MBP: variants seen among roughly 807,000 people sequenced by gnomAD.
MBP encodes the protein myelin basic protein, also known as Golli-MBP.
A neutral mutation model predicts 35.8 loss-of-function variants in MBP; 16 were observed. That is an observed-to-expected ratio of 0.45 (90% CI 0.30 to 0.68). The LOEUF (loss-of-function observed/expected upper bound fraction) is 0.68, where lower values mean the gene tolerates loss of function less well. MBP is among the 30% of genes least tolerant of loss of function. MBP has a pLI of 0.08. For missense variants in MBP, 380 were observed against 404.7 expected (o/e 0.94, Z 0.52); for synonymous variants, 143 against 159.6 (o/e 0.90, Z 0.78).
At position 76,979,467 on chromosome 18, in the gene MBP, C is replaced by G. The variant is rs1056316186; in HGVS notation, c.*960G>C. The G allele has an allele frequency of 6.3e-6, 1 of 157,588 alleles. No homozygotes were observed. The highest frequency in any genetic ancestry group is 1.4e-5 in the Non-Finnish European group (1 of 71,554). The allele number at this position is 157,588 out of a possible 1,614,324, so 9.8% of individuals were successfully genotyped here. A position where few individuals can be genotyped will look rare whatever the true frequency, so the allele number is the denominator to read the frequency against. On this transcript the variant is annotated 3_prime_UTR_variant, in exon 9 of 9. Coordinates refer to ENST00000355994, the MANE Select transcript of MBP (RefSeq NM_001025101.2). The stretch of plus-strand genomic sequence containing the variant: ...CCACTGTGCACTGCCGCTGCCAGCA[C>G]GCCCGGTCACAGCCAGTGTCTATGG...
At chr18:76,999,886 A>G (rs960852348) in intron 4 of MBP, among the ~76,000 whole-genome samples, 3 of 152,206 alleles carry the variant, frequency 2.0e-5, no homozygotes, top group African/African-American at 7.2e-5. Flanking sequence ...CTTCTGGGCC[A>G]TCCCCAACCT....
At chr18:77,054,052 C>T (rs1215110635) in intron 3 of MBP, among the ~76,000 whole-genome samples, 2 of 152,250 alleles carry the variant, frequency 1.3e-5, no homozygotes, top group East Asian at 3.9e-4. Flanking sequence ...GATGACTGCC[C>T]CTCGGCCTGG....
chr18:76,996,532 T>G (rs1970280050), intron 4 of MBP, among the ~76,000 whole-genome samples: 1 of 152,238 alleles, frequency 6.6e-6, no homozygotes. Flanking sequence ...CATGAAATAC[T>G]GTTCGGCAAT....
At chr18:77,094,548 T>C (rs1266372956) in intron 2 of MBP, among the ~76,000 whole-genome samples, 1 of 152,222 alleles carries the variant, frequency 6.6e-6, no homozygotes, top group Non-Finnish European at 1.5e-5. Flanking sequence ...CAGGAGAGCT[T>C]ACTTGTACAT....
At chr18:77,067,297 T>C (rs899746067) in intron 2 of MBP, among the ~76,000 whole-genome samples, 6 of 152,228 alleles carry the variant, frequency 3.9e-5, no homozygotes, top group Admixed American at 6.5e-5. Context: ...CAATGACACA[T>C]GGGTATTCTT....
In MBP at chr18:77,102,319, A is replaced by G. The variant is rs868709809; in HGVS notation, c.51+2892T>C. On this transcript the variant is annotated intron_variant, in intron 2 of 8. Transcript: ENST00000355994. This position sits in a 1 kb window ranked among gnomAD's most constrained non-coding sequence, Gnocchi z 4.4. ...TTCCTTGACTCTCTCATAAGGGGGA[A>G]AAATGCCTCCCAGAATCACACACAG... Among the ~76,000 whole-genome samples, 1 of 152,312 alleles carries G rather than the reference A, an allele frequency of 6.6e-6. No individual in the cohort carries two copies. The highest frequency in any genetic ancestry group is 3.4e-3 in the Middle Eastern group (1 of 294).
chr18:77,082,887 G>A (rs1354199494), intron 2 of MBP, among the ~76,000 whole-genome samples: 1 of 79,434 alleles, frequency 1.3e-5, no homozygotes, highest in Non-Finnish European at 2.9e-5. Context: ...ATCCCAGACT[G>A]GTTTTGAAAT....
At chr18:77,094,703 A>G (rs1975685867) in intron 2 of MBP, among the ~76,000 whole-genome samples, 1 of 152,110 alleles carries the variant, frequency 6.6e-6, no homozygotes, top group Non-Finnish European at 1.5e-5. Flanking sequence ...TTTTCTCATG[A>G]CAAACAGAGC....
chr18:77,117,213 TAAGTG>T (rs1976698013), intron 1 of MBP, among the ~76,000 whole-genome samples: 1 of 152,214 alleles, frequency 6.6e-6, no homozygotes, highest in African/African-American at 2.4e-5. Context: ...AATTTGTCAT[TAAGTG>T]AAGTATCTTT....
chr18:77,029,380 C>A (rs62106760), intron 3 of MBP, among the ~76,000 whole-genome samples: 39,577 of 134,922 alleles, frequency 0.29, 4,759 homozygotes, highest in Middle Eastern at 0.32. Context: ...AGCTTCGGCT[C>A]GGCATCAGAG....
chr18:77,129,426 C>G (rs919179180), intron 1 of MBP, among the ~76,000 whole-genome samples: 1 of 152,222 alleles, frequency 6.6e-6, no homozygotes, highest in Admixed American at 6.5e-5. Context: ...GCTGGCCTGT[C>G]CTACAGACGT....
At chr18:77,019,091 G>A (rs749433303) in intron 3 of MBP, among the ~76,000 whole-genome samples, 22 of 150,672 alleles carry the variant, frequency 1.5e-4, no homozygotes, top group Non-Finnish European at 1.6e-4. Context: ...CATTATTTAT[G>A]AGTACCAAAT....
At chr18:76,997,031 G>A (rs1482132894) in intron 4 of MBP, among the ~76,000 whole-genome samples, 1 of 152,054 alleles carries the variant, frequency 6.6e-6, no homozygotes, top group Non-Finnish European at 1.5e-5. Context: ...CTGCCTCCCC[G>A]ACCTTTGCCT....
At chr18:76,986,905 C>T (rs1385851133) in intron 7 of MBP, 1 of 985,266 alleles carries the variant, frequency 1.0e-6, no homozygotes, top group African/African-American at 1.7e-5. Context: ...CTAGAATGTA[C>T]CAGGAAACAC....
At chr18:77,093,968 G>T (rs753091158) in intron 2 of MBP, among the ~76,000 whole-genome samples, 3 of 144,952 alleles carry the variant, frequency 2.1e-5, no homozygotes, top group Admixed American at 7.5e-5. Flanking sequence ...TTTTTAAAGG[G>T]TCTTTTTTTC....
rs28488290 is a variant in MBP, at chr18:77,025,562, C to T, written c.140-8294G>A. On this transcript the variant is annotated intron_variant, in intron 3 of 8. Coordinates refer to ENST00000355994, the MANE Select transcript of MBP (RefSeq NM_001025101.2). Reference sequence around the variant, plus strand: ...TTACCTCCAACAGTATGAAGCTCACCGTGCAACGGCTCCAGGCTTGTTTAG... The same window carrying T: ...TTACCTCCAACAGTATGAAGCTCACTGTGCAACGGCTCCAGGCTTGTTTAG... Among the ~76,000 whole-genome samples, 34 of 152,266 alleles carry T rather than the reference C, an allele frequency of 2.2e-4. No homozygotes were observed. The East Asian group carries it at 3.1e-3, about 14-fold the overall frequency.
chr18:77,105,166 A>G, intron 2 of MBP, 45 bp downstream of exon 2: 1 of 1,598,614 alleles, frequency 6.3e-7, no homozygotes, highest in Non-Finnish European at 8.6e-7. Context: ...TTTGTGTTTA[A>G]TAAGAAAACA....
At chr18:77,074,862 G>T (rs1157752468) in intron 2 of MBP, among the ~76,000 whole-genome samples, 7 of 152,158 alleles carry the variant, frequency 4.6e-5, no homozygotes, top group African/African-American at 7.2e-5. Flanking sequence ...CAGCCAGTAA[G>T]AAACATTCAT....
chr18:77,024,437 A>G (rs1972115990), intron 3 of MBP, among the ~76,000 whole-genome samples: 1 of 152,244 alleles, frequency 6.6e-6, no homozygotes, highest in Admixed American at 6.5e-5. Flanking sequence ...GTTTTCTAAT[A>G]TGGTAAATAA....
Sources: gnomAD v4.1 joint callset for allele counts (sites outside exome capture counted in the v4.1 genomes callset) on GRCh38, gnomAD v4.1.1 for gene constraint, Gnocchi (gnomAD v3.1) non-coding constraint, MANE v1.5 for transcripts, NCBI Gene and HGNC (gene_info 2026-07-23, HGNC 2026-07-21) for gene names.